PCNX2: variants seen among roughly 807,000 people sequenced by gnomAD.
PCNX2 encodes the protein pecanex-like protein 2.
In PCNX2, 168 loss-of-function variants were observed where a neutral mutation model predicts 223.8. The observed-to-expected ratio is 0.75, with a 90% CI of 0.66 to 0.85. The LOEUF is 0.85. Among genes scored for constraint, PCNX2 ranks in the 40% least tolerant of loss-of-function variants. The pLI is 0.00. For missense variants in PCNX2, 2,507 were observed against 2,675.5 expected (o/e 0.94, Z 1.39); for synonymous variants, 1,006 against 1,052.6 (o/e 0.96, Z 0.86).
chr1:233,203,449 G>T (rs74666174), intron 13 of PCNX2, among the ~76,000 whole-genome samples: 6,468 of 152,126 alleles, frequency 0.043, 178 homozygotes, highest in Non-Finnish European at 0.064. Context: ...TTCTTATAAT[G>T]AAAGGAAAAG....
chr1:233,242,209 CT>C (rs1658811184), intron 8 of PCNX2, among the ~76,000 whole-genome samples: 1 of 152,108 alleles, frequency 6.6e-6, no homozygotes, highest in African/African-American at 2.4e-5. Flanking sequence ...CTAAAAATAT[CT>C]GCTAGATCTT....
At chr1:233,131,576 T>A (rs1190002504) in intron 21 of PCNX2, among the ~76,000 whole-genome samples, 1 of 152,200 alleles carries the variant, frequency 6.6e-6, no homozygotes, top group Non-Finnish European at 1.5e-5. Context: ...CATCAGAGAA[T>A]AAGATCTTGC....
At chr1:233,203,676 A>G (rs1681265732) in intron 13 of PCNX2, among the ~76,000 whole-genome samples, 1 of 152,114 alleles carries the variant, frequency 6.6e-6, no homozygotes, top group Non-Finnish European at 1.5e-5. Context: ...CACCTGACTT[A>G]TCTCATACCA....
At chr1:233,036,371 C>T (rs1671453932) in intron 25 of PCNX2, among the ~76,000 whole-genome samples, 1 of 152,168 alleles carries the variant, frequency 6.6e-6, no homozygotes, top group Admixed American at 6.5e-5. Flanking sequence ...TGGCTCATGC[C>T]TGTAATCCCA....
At chr1:233,313,801 C>T in the PCNX2 span, among the ~76,000 whole-genome samples, 1 of 152,282 alleles carries the variant, frequency 6.6e-6, no homozygotes, top group East Asian at 1.9e-4. Context: ...AAAAAATGTG[C>T]AATCTCACTC....
chr1:233,081,071 G>A (rs554020079), intron 23 of PCNX2, among the ~76,000 whole-genome samples: 9 of 152,174 alleles, frequency 5.9e-5, no homozygotes, highest in South Asian at 2.1e-4. Flanking sequence ...CATCTGGGCC[G>A]GGTGTGGTGG....
At chr1:233,244,208 A>C (rs980541355) in intron 8 of PCNX2, among the ~76,000 whole-genome samples, 4 of 152,240 alleles carry the variant, frequency 2.6e-5, no homozygotes, top group Non-Finnish European at 5.9e-5. Context: ...ATGGATACTT[A>C]AGATGGTTAA....
intron 13 of PCNX2, among the ~76,000 whole-genome samples, chr1:233,203,557 AATTTCT>A (rs1371157743): frequency 6.6e-5 from 10 of 152,086 alleles, no homozygotes; most frequent in African/African-American, 2.2e-4. Flanking sequence ...TATTCATCTG[AATTTCT>A]CCTCCTTCAA....
At chr1:232,998,225 A>G (rs374246552) in intron 32 of PCNX2, 26 bp downstream of exon 32, 44 of 1,504,204 alleles carry the variant, frequency 2.9e-5, no homozygotes, top group Non-Finnish European at 1.8e-6. Context: ...CTTCATCGAT[A>G]GTTTGGAGGC....
intron 17 of PCNX2, among the ~76,000 whole-genome samples, chr1:233,163,170 C>A (rs1045318325): frequency 6.6e-6 from 1 of 151,906 alleles, no homozygotes; most frequent in African/African-American, 2.4e-5. Context: ...AAATTGGTAC[C>A]AAAAAGCCAC....
In PCNX2 at chr1:233,208,659, G is replaced by C; in HGVS notation, c.2722C>G (p.Pro908Ala). The part of the protein sequence containing the change: ...GHNQIITYSR[P>A]IYFCVLCGLI... The stretch of plus-strand genomic sequence containing the variant: ...CCACACAGCACACAAAAATAGATTG[G>C]TCTGCTATATGTTATGATTTGGTTG... Residue 908 changes from proline to alanine, a missense_variant, in exon 13 of 34, where the codon CCA (proline) becomes GCA (alanine). Physicochemically the swap from Pro to Ala is conservative, Grantham distance 27. Coordinates refer to ENST00000258229, the MANE Select transcript of PCNX2 (RefSeq NM_014801.4). The C allele has an allele frequency of 6.2e-7, 1 of 1,613,584 alleles. No individual in the cohort carries two copies. The highest frequency in any genetic ancestry group is 8.5e-7 in the Non-Finnish European group (1 of 1,179,800).
chr1:232,990,191 G>C lies in PCNX2; in HGVS notation c.5792-3651C>G, dbSNP rs1175967912. On this transcript the variant is annotated intron_variant, in intron 32 of 33. Coordinates refer to ENST00000258229, the MANE Select transcript of PCNX2 (RefSeq NM_014801.4). This position sits in a 1 kb window ranked among gnomAD's most constrained non-coding sequence, Gnocchi z 4.3. ...GAATGATGGCCTGCTGGGAATGGCA[G>C]GTAGGTGGTTTCCGCAAAGTGTCCC... is the stretch of plus-strand genomic sequence containing the variant. Among the ~76,000 whole-genome samples the C allele has an allele frequency of 6.6e-6, 1 of 152,234 alleles. No homozygotes were observed. Among genetic ancestry groups the C allele is most frequent in the Non-Finnish European group, 1.5e-5 (1 of 68,046 alleles).
chr1:233,194,575 C>T (rs1374659779), intron 15 of PCNX2, among the ~76,000 whole-genome samples: 3 of 151,962 alleles, frequency 2.0e-5, no homozygotes, highest in Non-Finnish European at 4.4e-5. Context: ...TCTAAGAGAT[C>T]AATAAAACCA....
rs533527236 is a variant in PCNX2 at position 233,126,621 on chromosome 1, G to A, written c.3837+8392C>T. On this transcript the variant is annotated intron_variant, in intron 21 of 33. Coordinates refer to ENST00000258229, the MANE Select transcript of PCNX2 (RefSeq NM_014801.4). The surrounding 1 kb of genome is among the most constrained non-coding windows in gnomAD (Gnocchi z 4.8). Reference sequence around the variant, plus strand: ...GGAAGAGGTTAGGGTTAAGCAGACAGAGATATGCATTAAAACAGACTTTTT... The same window carrying A: ...GGAAGAGGTTAGGGTTAAGCAGACAAAGATATGCATTAAAACAGACTTTTT... 6.6e-6 allele frequency among the ~76,000 whole-genome samples: 1 copy of A among 152,146 alleles called. No homozygotes were observed. The highest frequency in any genetic ancestry group is 6.5e-5 in the Admixed American group (1 of 15,278).
At chr1:233,323,939 G>C in the PCNX2 span, among the ~76,000 whole-genome samples, 1 of 152,182 alleles carries the variant, frequency 6.6e-6, no homozygotes, top group African/African-American at 2.4e-5. Flanking sequence ...TGCACCAGTT[G>C]CCCAAGTCAT....
intron 21 of PCNX2, chr1:233,125,785 A>G (rs946695896): frequency 6.6e-6 from 1 of 152,254 alleles, no homozygotes; most frequent in Non-Finnish European, 1.5e-5. Flanking sequence ...AGTGACCACA[A>G]TTACCACCAC....
At chr1:233,173,114 T>TTC (rs1679256766) in intron 17 of PCNX2, among the ~76,000 whole-genome samples, 1 of 152,220 alleles carries the variant, frequency 6.6e-6, no homozygotes, top group South Asian at 2.1e-4. Context: ...ACTAATCCCA[T>TTC]TCTCTGATCT....
chr1:233,019,746 C>T (rs1670811740), intron 26 of PCNX2, among the ~76,000 whole-genome samples: 1 of 148,604 alleles, frequency 6.7e-6, no homozygotes, highest in Non-Finnish European at 1.5e-5. Context: ...GACAGGAGAA[C>T]CGTTGTGTCT....
intron 13 of PCNX2, chr1:233,202,276 A>G: frequency 2.2e-6 from 1 of 460,146 alleles, no homozygotes; most frequent in Admixed American, 2.5e-5. Flanking sequence ...TTCTGTTAGC[A>G]TACCACTGAG....
Sources: allele counts gnomAD v4.1 joint callset (sites outside exome capture counted in the v4.1 genomes callset), GRCh38; gene constraint gnomAD v4.1.1; non-coding constraint Gnocchi (gnomAD v3.1); transcripts MANE v1.5; gene names NCBI Gene and HGNC (gene_info 2026-07-23, HGNC 2026-07-21).